Variants in NUDT9 observed in about 807,000 individuals in gnomAD.
NUDT9 encodes nudix hydrolase 9.
A neutral mutation model predicts 41.0 loss-of-function variants in NUDT9; 31 were observed. That is an observed-to-expected ratio of 0.76 (90% confidence interval 0.57 to 1.02). The LOEUF is 1.02. Among genes scored for constraint, NUDT9 ranks in the 50% least tolerant of loss-of-function variants. The pLI, the probability that NUDT9 is intolerant of heterozygous loss-of-function variation, is 0.00. For missense variants in NUDT9, 380 were observed against 431.4 expected (o/e 0.88, Z 1.06); for synonymous variants, 146 against 147.6 (o/e 0.99, Z 0.08).
chr4:87,452,429 A>G (rs1388216746), intron 6 of NUDT9, among the ~76,000 whole-genome samples: 1 of 152,006 alleles, frequency 6.6e-6, no homozygotes, highest in Non-Finnish European at 1.5e-5. Flanking sequence ...TTTCTGGTTG[A>G]TAATCATTTA....
At chr4:87,432,501 T>G (rs1721731558) in intron 1 of NUDT9, among the ~76,000 whole-genome samples, 1 of 152,190 alleles carries the variant, frequency 6.6e-6, no homozygotes, top group African/African-American at 2.4e-5. Flanking sequence ...CTAATTGTTC[T>G]GGCTAGAACT....
chr4:87,445,406 A>T (rs887622837), intron 4 of NUDT9: 1 of 152,144 alleles, frequency 6.6e-6, no homozygotes, highest in Admixed American at 6.5e-5. Context: ...GCACTTCATG[A>T]TTCAAAACAG....
At chr4:87,455,469 G>A (rs1367980892) in intron 7 of NUDT9, among the ~76,000 whole-genome samples, 2 of 152,080 alleles carry the variant, frequency 1.3e-5, no homozygotes, top group East Asian at 3.9e-4. Context: ...TCCTCCAGAA[G>A]TTGATTATAG....
chr4:87,431,780 G>A lies in NUDT9; in HGVS notation c.108-3201G>A, dbSNP rs542521566. Among the ~76,000 whole-genome samples the A allele has an allele frequency of 3.9e-5, 6 of 152,228 alleles. No individual in the cohort carries two copies. The East Asian group carries it at 9.7e-4, about 24-fold the overall frequency. ...GGCTTACTGCAACCTCCGCCTCTGGGGTTTAAGTGATTCTCCTGCCTCAGC... is the reference window on the plus strand; with the variant it reads ...GGCTTACTGCAACCTCCGCCTCTGGAGTTTAAGTGATTCTCCTGCCTCAGC... On this transcript the variant is annotated intron_variant, in intron 1 of 7. Coordinates refer to ENST00000302174, the MANE Select transcript of NUDT9 (RefSeq NM_024047.5).
chr4:87,454,593 G>A, intron 7 of NUDT9, 138 bp downstream of exon 7: 1 of 564,386 alleles, frequency 1.8e-6, no homozygotes, highest in Admixed American at 3.0e-5. Context: ...TTATATGAAA[G>A]CAAAATTGTT....
intron 4 of NUDT9, among the ~76,000 whole-genome samples, chr4:87,444,626 A>G (rs1180186250): frequency 6.6e-6 from 1 of 152,228 alleles, no homozygotes; most frequent in Non-Finnish European, 1.5e-5. Context: ...TGAAACAGGA[A>G]TGTAATGCTA....
intron 5 of NUDT9, among the ~76,000 whole-genome samples, chr4:87,451,300 T>G (rs1405997965): frequency 6.6e-6 from 1 of 152,198 alleles, no homozygotes; most frequent in Non-Finnish European, 1.5e-5. Context: ...TGCTGTGTTA[T>G]TTCTAACCTC....
intron 1 of NUDT9, among the ~76,000 whole-genome samples, chr4:87,424,340 A>C (rs1362288580): frequency 6.8e-6 from 1 of 147,166 alleles, no homozygotes; most frequent in African/African-American, 2.5e-5. Context: ...GCTCACTGCA[A>C]CTTCCGCCTC....
At chr4:87,440,067 T>A (rs1578072682) in intron 3 of NUDT9, among the ~76,000 whole-genome samples, 1 of 152,238 alleles carries the variant, frequency 6.6e-6, no homozygotes, top group African/African-American at 2.4e-5. Flanking sequence ...TCTTTTTAAG[T>A]CAAATTCTCC....
In NUDT9 at chr4:87,455,218, A is replaced by G. The variant is rs541786154; in HGVS notation, c.874+763A>G. ...CTTGGACTCAGTTTTTTCACTTACA[A>G]AATGGGCTAGAACTAGATCTGTCAT... On this transcript the variant is annotated intron_variant, in intron 7 of 7. Transcript: ENST00000302174. 3.0e-4 allele frequency among the ~76,000 whole-genome samples: 46 copies of G among 152,342 alleles called. 1 individual carries two copies. The South Asian group carries it at 9.1e-3, about 30-fold the overall frequency.
At chr4:87,434,842 C>T (rs1366496289) in intron 1 of NUDT9, 139 bp from the exon 2 acceptor site, 2 of 667,944 alleles carry the variant, frequency 3.0e-6, no homozygotes, top group African/African-American at 1.8e-5. Flanking sequence ...TGGTCTTGAA[C>T]CCCTAACCTC....
rs531281804 is a variant in NUDT9, at chr4:87,437,516, A to AT, written c.348-754dup. 5.9e-4 allele frequency among the ~76,000 whole-genome samples: 89 copies of AT among 150,784 alleles called. 1 individual carries two copies. The South Asian group carries it at 0.015, about 26-fold the overall frequency. ...CCACCATGCCCAGCTAATTTTTTGT[A>AT]TTTTTTTAGTAGAGATGGGGTTCCA... On this transcript the variant is annotated intron_variant, in intron 2 of 7. Transcript: ENST00000302174.
rs555381101 is a variant in NUDT9, at chr4:87,441,780, A to G, written c.444-49A>G. The G allele has an allele frequency of 3.1e-5, 45 of 1,442,502 alleles. No individual in the cohort carries two copies. In the Middle Eastern group the frequency reaches 1.6e-3, roughly 50 times the overall value. The allele number at this position is 1,442,502 out of a possible 1,614,324, so 89.4% of individuals were successfully genotyped here. ...CTTTTGGGTTATATCAAATCAGGTT[A>G]AAAAGATGAACACATTCAATTGATT... is the stretch of plus-strand genomic sequence containing the variant. On this transcript the variant is annotated intron_variant, in intron 3 of 7. Transcript: ENST00000302174.
At chr4:87,424,494 C>T (rs1721317681) in intron 1 of NUDT9, among the ~76,000 whole-genome samples, 1 of 152,062 alleles carries the variant, frequency 6.6e-6, no homozygotes, top group South Asian at 2.1e-4. Context: ...GAACTCTTGA[C>T]CTCGTGATCC....
chr4:87,422,967 C>T lies in NUDT9; in HGVS notation c.62C>T (p.Ser21Phe). The change falls in exon 1 of 8, where the codon TCT becomes TTT. Residue 21 changes from serine to phenylalanine, a missense_variant. Coordinates refer to ENST00000302174, the MANE Select transcript of NUDT9 (RefSeq NM_024047.5). Reference protein sequence around the residue: ...AAVSLSLALASVTIRSSRCRG... With the variant: ...AAVSLSLALAFVTIRSSRCRG... ...GTGTCTCTCTCTCTGGCCTTGGCCT[C>T]TGTGACTATCAGGTCCTCGCGCTGC... is the stretch of plus-strand genomic sequence containing the variant. 6.2e-7 allele frequency: 1 copy of T among 1,613,366 alleles called. No individual in the cohort carries two copies. The highest frequency in any genetic ancestry group is 8.5e-7 in the Non-Finnish European group (1 of 1,179,818).
At chr4:87,440,691 C>T (rs763126971) in intron 3 of NUDT9, among the ~76,000 whole-genome samples, 2 of 151,970 alleles carry the variant, frequency 1.3e-5, no homozygotes, top group Non-Finnish European at 2.9e-5. Context: ...ACTAAAAATG[C>T]GAAAATTAGC....
intron 3 of NUDT9, 78 bp downstream of exon 3, chr4:87,438,450 T>G: frequency 1.3e-6 from 1 of 781,184 alleles, no homozygotes; most frequent in Non-Finnish European, 2.2e-6. Context: ...TATCAAATCC[T>G]TGTATGTGCC....
At chr4:87,423,300 G>T (rs1721235596) in intron 1 of NUDT9, among the ~76,000 whole-genome samples, 1 of 152,058 alleles carries the variant, frequency 6.6e-6, no homozygotes, top group South Asian at 2.1e-4. Flanking sequence ...GGTGTCCCGT[G>T]CCATTTTTTT....
chr4:87,454,524 G>A, intron 7 of NUDT9, 69 bp downstream of exon 7: 1 of 997,656 alleles, frequency 1.0e-6, no homozygotes, highest in Non-Finnish European at 1.6e-6. Flanking sequence ...ACTAAGGCAT[G>A]ATTAAATCTG....
Sources: gnomAD v4.1 joint callset for allele counts (sites outside exome capture counted in the v4.1 genomes callset) on GRCh38, gnomAD v4.1.1 for gene constraint, MANE v1.5 for transcripts, NCBI Gene and HGNC (gene_info 2026-07-23, HGNC 2026-07-21) for gene names.